Variants in MAP3K5 observed in about 807,000 individuals in gnomAD.
MAP3K5 encodes the protein ASK-1.
MAP3K5 carries 56 observed loss-of-function variants against 158.7 expected under a neutral mutation model. That is an observed-to-expected ratio of 0.35 (90% CI 0.28 to 0.44). The LOEUF (loss-of-function observed/expected upper bound fraction) is 0.44. MAP3K5 is among the 20% of genes least tolerant of loss of function. The probability of loss-of-function intolerance (pLI) is 1.00; values close to 1 mark genes in which losing one functional copy is unlikely to be tolerated. For missense variants in MAP3K5, 1,294 were observed against 1,674.8 expected (o/e 0.77, Z 3.97); for synonymous variants, 579 against 601.7 (o/e 0.96, Z 0.55).
intron 1 of MAP3K5, among the ~76,000 whole-genome samples, chr6:136,766,922 G>T (rs879891695): frequency 1.3e-5 from 2 of 152,044 alleles, no homozygotes; most frequent in African/African-American, 4.8e-5. Context: ...CAAAAATTAG[G>T]AAGTTTCATT....
intron 23 of MAP3K5, among the ~76,000 whole-genome samples, chr6:136,589,332 A>G (rs751977413): frequency 3.9e-5 from 6 of 152,194 alleles, no homozygotes; most frequent in Non-Finnish European, 8.8e-5. Flanking sequence ...GGCCACGGCA[A>G]GGGAGGCAGG....
chr6:136,751,772 G>A (rs1783219553), intron 1 of MAP3K5, among the ~76,000 whole-genome samples: 1 of 152,214 alleles, frequency 6.6e-6, no homozygotes, highest in African/African-American at 2.4e-5. Context: ...ATTTAGGCTT[G>A]CATTCTTGTA....
At chr6:136,674,655 G>A (rs1391659346) in intron 7 of MAP3K5, among the ~76,000 whole-genome samples, 1 of 151,922 alleles carries the variant, frequency 6.6e-6, no homozygotes, top group Admixed American at 6.5e-5. Flanking sequence ...CCTAATAAGA[G>A]ATTTTTCAAA....
intron 1 of MAP3K5, among the ~76,000 whole-genome samples, chr6:136,759,482 A>ATATATATAT (rs1420942856): frequency 3.7e-4 from 52 of 141,944 alleles, no homozygotes; most frequent in East Asian, 6.2e-4. Context: ...ATATATATAT[A>ATATATATAT]AAGTTTGAGA....
At chr6:136,691,747 G>A (rs1013632920) in intron 7 of MAP3K5, among the ~76,000 whole-genome samples, 3 of 151,544 alleles carry the variant, frequency 2.0e-5, no homozygotes, top group East Asian at 1.9e-4. Flanking sequence ...CTCTTTTATC[G>A]TATTGTGTCC....
In MAP3K5 at chr6:136,609,017, C is replaced by CT. The variant is rs1427019443; in HGVS notation, c.2521+2264dup. ...ATACATGTTAGTGACACACGTCACTCTTACGTGACACCAGTGGAAGAGGTC... is the reference window on the plus strand; with the variant it reads ...ATACATGTTAGTGACACACGTCACTCTTTACGTGACACCAGTGGAAGAGGTC... On this transcript the variant is annotated intron_variant, in intron 18 of 29. Coordinates refer to ENST00000359015, the MANE Select transcript of MAP3K5 (RefSeq NM_005923.4). This position sits in a 1 kb window ranked among gnomAD's most constrained non-coding sequence, Gnocchi z 4.4. 6.6e-6 allele frequency among the ~76,000 whole-genome samples: 1 copy of CT among 152,222 alleles called. No homozygotes were observed. The highest frequency in any genetic ancestry group is 1.5e-5 in the Non-Finnish European group (1 of 68,038).
intron 14 of MAP3K5, among the ~76,000 whole-genome samples, chr6:136,624,471 A>G (rs1431226973): frequency 6.6e-6 from 1 of 152,202 alleles, no homozygotes. Context: ...TATAACATCT[A>G]CAGAGAGAGC....
rs375464079 is a variant in MAP3K5 at position 136,744,178 on chromosome 6, T to C, written c.449-23589A>G. 3.9e-5 allele frequency among the ~76,000 whole-genome samples: 6 copies of C among 152,246 alleles called. No individual in the cohort carries two copies. In the East Asian group the frequency reaches 5.8e-4, roughly 15 times the overall value. ...AGCTATGGGCATCAGGTGATAATGA[T>C]GTGTCAATGTAAGGTTCACCAATTG... On this transcript the variant is annotated intron_variant, in intron 1 of 29. Transcript: ENST00000359015.
intron 1 of MAP3K5, among the ~76,000 whole-genome samples, chr6:136,775,688 T>C (rs766438957): frequency 1.3e-4 from 20 of 152,356 alleles, no homozygotes; most frequent in Non-Finnish European, 2.4e-4. Flanking sequence ...ATGTGTCTAA[T>C]GATGTTTTTA....
intron 21 of MAP3K5, among the ~76,000 whole-genome samples, chr6:136,600,311 C>A (rs530039850): frequency 7.9e-5 from 12 of 151,660 alleles, no homozygotes; most frequent in Non-Finnish European, 1.5e-4. Context: ...CCCACCTCAG[C>A]CTCCCTAGTA....
intron 3 of MAP3K5, among the ~76,000 whole-genome samples, chr6:136,702,175 C>A (rs1161692769): frequency 2.6e-5 from 4 of 151,736 alleles, no homozygotes; most frequent in African/African-American, 9.7e-5. Context: ...GTTTCTAAGG[C>A]AATCTTTTTT....
At chr6:136,635,183 T>C (rs528876383) in intron 14 of MAP3K5, among the ~76,000 whole-genome samples, 2 of 152,126 alleles carry the variant, frequency 1.3e-5, no homozygotes, top group East Asian at 3.9e-4. Context: ...CTTCATGAAT[T>C]TTCCAGTCAT....
At position 136,601,958 on chromosome 6, in the gene MAP3K5, G is replaced by C. The variant is rs146249664; in HGVS notation, c.2701C>G (p.Pro901Ala). 1.9e-6 allele frequency: 3 copies of C among 1,613,570 alleles called. No homozygotes were observed. The highest frequency in any genetic ancestry group is 2.5e-6 in the Non-Finnish European group (3 of 1,179,908). ...MFKVGMFKVH[P>A]EIPESMSAEA... ...GCAGACATGGACTCTGGGATCTCAGGGTGGACTTTAAACATTCCCACCTAA... is the reference window on the plus strand; with the variant it reads ...GCAGACATGGACTCTGGGATCTCAGCGTGGACTTTAAACATTCCCACCTAA... Residue 901 changes from proline (P) to alanine (A), a missense_variant, in exon 20 of 30, where the codon CCT becomes GCT. Around this residue, in one of 5 missense-constraint regions of MAP3K5, gnomAD observed 362 missense variants for 463.2 expected, o/e 0.78. Transcript: ENST00000359015.
intron 3 of MAP3K5, among the ~76,000 whole-genome samples, chr6:136,704,669 C>T (rs1780994761): frequency 6.6e-6 from 1 of 152,182 alleles, no homozygotes; most frequent in Admixed American, 6.5e-5. Flanking sequence ...CCTCAGCCTC[C>T]TGAGTAGCTG....
intron 24 of MAP3K5, among the ~76,000 whole-genome samples, chr6:136,581,777 T>C (rs1279589855): frequency 6.6e-6 from 1 of 152,228 alleles, no homozygotes. Context: ...GGTACCTTCA[T>C]TTCTTTAAAA....
At chr6:136,600,157 A>C (rs925496895) in intron 21 of MAP3K5, among the ~76,000 whole-genome samples, 10 of 151,282 alleles carry the variant, frequency 6.6e-5, no homozygotes, top group African/African-American at 2.2e-4. Flanking sequence ...CCACACATCC[A>C]ACTTAGGAAA....
At chr6:136,587,587 T>G (rs9402831) in intron 23 of MAP3K5, among the ~76,000 whole-genome samples, 18,610 of 152,074 alleles carry the variant, frequency 0.12, 1,369 homozygotes, top group East Asian at 0.32. Context: ...ACTGCCCCAA[T>G]GACCTGCAAT....
intron 29 of MAP3K5, among the ~76,000 whole-genome samples, chr6:136,558,127 C>A (rs1830333090): frequency 1.3e-5 from 2 of 152,236 alleles, no homozygotes; most frequent in Admixed American, 1.3e-4. Context: ...GCCTGTAATC[C>A]CAGCACTTTA....
intron 23 of MAP3K5, among the ~76,000 whole-genome samples, chr6:136,591,015 G>A (rs372617921): frequency 6.6e-6 from 1 of 152,148 alleles, no homozygotes. Flanking sequence ...TTCCTGTGAT[G>A]TTCTCATGAT....
Sources: allele counts gnomAD v4.1 joint callset (sites outside exome capture counted in the v4.1 genomes callset), GRCh38; gene constraint gnomAD v4.1.1; regional missense constraint gnomAD v4.1.1; non-coding constraint Gnocchi (gnomAD v3.1); transcripts MANE v1.5; gene names NCBI Gene and HGNC (gene_info 2026-07-23, HGNC 2026-07-21).